CRB1: variants seen among roughly 807,000 people sequenced by gnomAD.
CRB1 encodes protein crumbs homolog 1.
Under a neutral mutation model 120.0 loss-of-function variants are expected in CRB1, and 83 were observed. The observed-to-expected ratio is 0.69, with a 90% confidence interval of 0.58 to 0.83. The LOEUF (loss-of-function observed/expected upper bound fraction) is 0.83, where lower values mean the gene tolerates loss of function less well. CRB1 is among the 40% of genes least tolerant of loss of function. The probability of loss-of-function intolerance (pLI) is 0.00; values close to 1 mark genes in which losing one functional copy is unlikely to be tolerated. For missense variants in CRB1, 1,699 were observed against 1,687.6 expected (o/e 1.01, Z -0.12); for synonymous variants, 625 against 612.5 (o/e 1.02, Z -0.30).
At chr1:197,405,892 T>TCTGGGAAGGAGGTGGGGGTCAGCCC (rs1663356207) in intron 5 of CRB1, among the ~76,000 whole-genome samples, 4 of 150,336 alleles carry the variant, frequency 2.7e-5, no homozygotes, top group African/African-American at 7.4e-5. Context: ...AGCCACCCCG[T>TCTGGGAAGGAGGTGGGGGTCAGCCC]CTGGGAAGGA....
chr1:197,337,462 C>A (rs1005163483), intron 2 of CRB1, among the ~76,000 whole-genome samples: 1 of 152,124 alleles, frequency 6.6e-6, no homozygotes, highest in Non-Finnish European at 1.5e-5. Flanking sequence ...TATGAACTTC[C>A]ATTTCCTCAT....
the CRB1 span, among the ~76,000 whole-genome samples, chr1:197,201,951 A>G: frequency 6.6e-6 from 1 of 152,208 alleles, no homozygotes; most frequent in Non-Finnish European, 1.5e-5. Context: ...AAAGTAAAGA[A>G]AAATCCACAA....
At chr1:197,325,950 G>A (rs1383450909) in intron 1 of CRB1, among the ~76,000 whole-genome samples, 1 of 152,110 alleles carries the variant, frequency 6.6e-6, no homozygotes, top group African/African-American at 2.4e-5. Flanking sequence ...GTTAAAATGA[G>A]ATCTAGAGAC....
chr1:197,403,313 T>C (rs530121907), intron 5 of CRB1, among the ~76,000 whole-genome samples: 1 of 152,184 alleles, frequency 6.6e-6, no homozygotes, highest in Non-Finnish European at 1.5e-5. Flanking sequence ...GCCAGGTACA[T>C]TAGAGGAGGC....
intron 1 of CRB1, among the ~76,000 whole-genome samples, chr1:197,285,116 T>A (rs1257036784): frequency 6.6e-6 from 1 of 151,926 alleles, no homozygotes; most frequent in East Asian, 1.9e-4. Context: ...ATCATTCATG[T>A]CAACATGAAA....
At chr1:197,207,638 G>C in the CRB1 span, among the ~76,000 whole-genome samples, 1 of 152,068 alleles carries the variant, frequency 6.6e-6, no homozygotes, top group Non-Finnish European at 1.5e-5. Flanking sequence ...TTTGCCTCAT[G>C]GCTCTTAAGA....
chr1:197,347,039 T>A (rs898207249), intron 3 of CRB1, among the ~76,000 whole-genome samples: 1 of 152,210 alleles, frequency 6.6e-6, no homozygotes, highest in Non-Finnish European at 1.5e-5. Context: ...ATTCTTTATA[T>A]GCATACTTAA....
At position 197,428,028 on chromosome 1, in the gene CRB1, A is replaced by G. The variant is rs367706593; in HGVS notation, c.2676+27A>G. 6.3e-5 allele frequency: 100 copies of G among 1,587,848 alleles called. 1 individual carries two copies. The highest frequency in any genetic ancestry group is 8.5e-5 in the Non-Finnish European group (98 of 1,158,208). On this transcript the variant is annotated intron_variant, in intron 7 of 11. Transcript: ENST00000367400. ...TAATGATTACTCATACAAACTAGGTATATACTGTATGCTAAACTTTTACTT... is the reference window on the plus strand; with the variant it reads ...TAATGATTACTCATACAAACTAGGTGTATACTGTATGCTAAACTTTTACTT...
chr1:197,424,763 CTTAT>C (rs757585419), intron 6 of CRB1, among the ~76,000 whole-genome samples: 2 of 152,168 alleles, frequency 1.3e-5, no homozygotes, highest in Non-Finnish European at 2.9e-5. Flanking sequence ...CGAAGTGGCT[CTTAT>C]TTATTCTTGT....
intron 11 of CRB1, among the ~76,000 whole-genome samples, chr1:197,453,539 T>TATATAGAGAG (rs1553266395): frequency 3.4e-5 from 2 of 58,512 alleles, no homozygotes; most frequent in African/African-American, 8.2e-5. Context: ...TATATATATA[T>TATATAGAGAG]AGAGAGAGAG....
intron 1 of CRB1, among the ~76,000 whole-genome samples, chr1:197,270,980 T>C (rs1654875050): frequency 6.6e-6 from 1 of 152,144 alleles, no homozygotes; most frequent in Non-Finnish European, 1.5e-5. Flanking sequence ...ATGAGTTCAC[T>C]TAAGCCTAGT....
intron 5 of CRB1, among the ~76,000 whole-genome samples, chr1:197,388,635 A>G (rs1339224984): frequency 1.3e-5 from 2 of 152,136 alleles, no homozygotes; most frequent in Admixed American, 6.6e-5. Context: ...AGTAGAAGAT[A>G]AGATGGCTAT....
intron 1 of CRB1, among the ~76,000 whole-genome samples, chr1:197,309,121 T>C (rs990858795): frequency 2.6e-5 from 4 of 151,984 alleles, no homozygotes; most frequent in Non-Finnish European, 5.9e-5. Context: ...TATATTTATA[T>C]ATTTATACTC....
chr1:197,398,964 C>G (rs1662921221), intron 5 of CRB1, among the ~76,000 whole-genome samples: 1 of 147,184 alleles, frequency 6.8e-6, no homozygotes, highest in Non-Finnish European at 1.5e-5. Flanking sequence ...ATATATGTGA[C>G]TATATATATG....
intron 2 of CRB1, among the ~76,000 whole-genome samples, chr1:197,330,096 A>C (rs1293645204): frequency 6.6e-6 from 1 of 152,196 alleles, no homozygotes; most frequent in East Asian, 1.9e-4. Flanking sequence ...ACTTTTAAAC[A>C]TTCTAAAACT....
intron 5 of CRB1, among the ~76,000 whole-genome samples, chr1:197,379,627 A>AC (rs1661841621): frequency 6.6e-6 from 1 of 151,516 alleles, no homozygotes; most frequent in Non-Finnish European, 1.5e-5. Context: ...AAAAAAAAAA[A>AC]AACCATTTTT....
At chr1:197,274,789 A>T (rs1468207122) in intron 1 of CRB1, among the ~76,000 whole-genome samples, 1 of 152,160 alleles carries the variant, frequency 6.6e-6, no homozygotes, top group Non-Finnish European at 1.5e-5. Context: ...ACTGAAAAAT[A>T]TTCCATTATA....
chr1:197,408,070 G>A (rs925796577), intron 5 of CRB1, among the ~76,000 whole-genome samples: 1 of 152,036 alleles, frequency 6.6e-6, no homozygotes, highest in African/African-American at 2.4e-5. Context: ...ATAGAAAGAG[G>A]TATTCACACT....
At chr1:197,458,918 G>T (rs2125544223) in intron 11 of CRB1, among the ~76,000 whole-genome samples, 1 of 152,216 alleles carries the variant, frequency 6.6e-6, no homozygotes, top group South Asian at 2.1e-4. Flanking sequence ...TGATCGCTAT[G>T]AGCTATTGCA....
Sources: allele counts gnomAD v4.1 joint callset (sites outside exome capture counted in the v4.1 genomes callset), GRCh38; gene constraint gnomAD v4.1.1; transcripts MANE v1.5; gene names NCBI Gene and HGNC (gene_info 2026-07-23, HGNC 2026-07-21).